The following OCIAD1 variants were observed in gnomAD, a reference collection of about 807,000 sequenced individuals.
OCIAD1 encodes the protein OCIA domain containing 1.
A neutral mutation model predicts 38.9 loss-of-function variants in OCIAD1; 29 were observed. That is an observed-to-expected ratio of 0.74 (90% CI 0.55 to 1.02). The LOEUF is 1.02. OCIAD1 is among the 50% of genes least tolerant of loss of function. The probability of loss-of-function intolerance (pLI) is 0.00; values close to 1 mark genes in which losing one functional copy is unlikely to be tolerated. For missense variants in OCIAD1, 288 were observed against 289.6 expected, an observed-to-expected ratio of 0.99 and a Z score of 0.04; for synonymous variants, 110 against 92.0, an observed-to-expected ratio of 1.20 and a Z score of -1.12.
intron 7 of OCIAD1, among the ~76,000 whole-genome samples, chr4:48,855,679 A>G (rs1779969327): frequency 6.6e-6 from 1 of 152,066 alleles, no homozygotes; most frequent in South Asian, 2.1e-4. Flanking sequence ...AGCTGGGCAT[A>G]GTGGCACATG....
intron 4 of OCIAD1, among the ~76,000 whole-genome samples, chr4:48,844,489 G>A (rs777218409): frequency 6.6e-6 from 1 of 151,996 alleles, no homozygotes; most frequent in African/African-American, 2.4e-5. Context: ...GGTCGTGCGT[G>A]CCTGTAGTCC....
At position 48,842,818 on chromosome 4, in the gene OCIAD1, T is replaced by C. The variant is rs80146608; in HGVS notation, c.193+129T>C. 4.8e-4 allele frequency: 270 copies of C among 564,376 alleles called. 3 individuals carry two copies. The East Asian group carries it at 6.4e-3, about 13-fold the overall frequency. 35.0% of individuals were successfully genotyped at this position (564,376 alleles called of 1,614,324 possible). ...TAAACACTATGTAGAAATTCATTGA[T>C]GAATTTAAACGTTTTATCTCTGTGG... is the stretch of plus-strand genomic sequence containing the variant. On this transcript the variant is annotated intron_variant, in intron 4 of 8. Coordinates refer to ENST00000264312, the MANE Select transcript of OCIAD1 (RefSeq NM_017830.4).
At position 48,860,908 on chromosome 4, in the gene OCIAD1, T is replaced by C; in HGVS notation, c.*146T>C. ...GGTTTTTGTGGTTTGACTTCTATGGTGTTTTAAAAAAACACAGATTTTTAG... is the reference window on the plus strand; with the variant it reads ...GGTTTTTGTGGTTTGACTTCTATGGCGTTTTAAAAAAACACAGATTTTTAG... On this transcript the variant is annotated 3_prime_UTR_variant, in exon 9 of 9. Transcript: ENST00000264312. 1 of 672,600 alleles carries C rather than the reference T, an allele frequency of 1.5e-6. No homozygotes were observed. Among genetic ancestry groups the C allele is most frequent in the Non-Finnish European group, 2.7e-6 (1 of 375,826 alleles). 41.7% of individuals were successfully genotyped at this position (672,600 alleles called of 1,614,324 possible).
chr4:48,811,888 G>A (rs537941521), intron 1 of OCIAD1, among the ~76,000 whole-genome samples: 45 of 152,040 alleles, frequency 3.0e-4, no homozygotes, highest in Non-Finnish European at 4.7e-4. Context: ...TGGTGTCAAA[G>A]ACCAGGAATT....
chr4:48,860,650 A>T (rs1175284901), intron 8 of OCIAD1, 75 bp from the exon 9 acceptor site: 1 of 1,097,158 alleles, frequency 9.1e-7, no homozygotes, highest in East Asian at 2.4e-5. Context: ...ACTTTTCATC[A>T]TAGCAACAAA....
intron 1 of OCIAD1, among the ~76,000 whole-genome samples, chr4:48,812,474 A>G (rs966014117): frequency 6.6e-6 from 1 of 151,930 alleles, no homozygotes; most frequent in Non-Finnish European, 1.5e-5. Flanking sequence ...AAGAACCAGC[A>G]AAGGAAACTG....
In OCIAD1 at chr4:48,831,149, G is replaced by C; in HGVS notation, c.-106G>C. On this transcript the variant is annotated 5_prime_UTR_variant, in exon 1 of 9. Coordinates refer to ENST00000264312, the MANE Select transcript of OCIAD1 (RefSeq NM_017830.4). The stretch of plus-strand genomic sequence containing the variant: ...CCCCTCCCCCTCCCCGCGGTACCTT[G>C]CACTTTTCTCCCTCCCTGCCCCCTC... 1 of 300,544 alleles carries C rather than the reference G, an allele frequency of 3.3e-6. No individual in the cohort carries two copies. The highest frequency in any genetic ancestry group is 6.7e-6 in the Non-Finnish European group (1 of 150,086). 18.6% of individuals were successfully genotyped at this position (300,544 alleles called of 1,614,324 possible). A position where few individuals can be genotyped will look rare whatever the true frequency, so the allele number is the denominator to read the frequency against.
At chr4:48,807,354 C>A (rs1777038692) in intron 1 of OCIAD1, among the ~76,000 whole-genome samples, 1 of 151,980 alleles carries the variant, frequency 6.6e-6, no homozygotes, top group Non-Finnish European at 1.5e-5. Flanking sequence ...AGGCACTAAT[C>A]TAGAGCATGG....
chr4:48,819,304 A>T (rs1159904013), intron 1 of OCIAD1, among the ~76,000 whole-genome samples: 3 of 152,306 alleles, frequency 2.0e-5, no homozygotes, highest in Middle Eastern at 6.8e-3. Context: ...ACTAAGCTTC[A>T]TAAGAAAAGG....
At chr4:48,837,136 T>C (rs763806757) in intron 3 of OCIAD1, 1 of 151,724 alleles carries the variant, frequency 6.6e-6, no homozygotes, top group Non-Finnish European at 1.5e-5. Flanking sequence ...CATACCTGGC[T>C]ATTTTTTTTT....
rs191799710 is a variant in OCIAD1, at chr4:48,853,986, A to G, written c.547+2011A>G. 7.6e-4 allele frequency among the ~76,000 whole-genome samples: 116 copies of G among 152,320 alleles called. 2 individuals are homozygous for G. Among genetic ancestry groups the G allele is most frequent in the Middle Eastern group, 3.4e-3 (1 of 294 alleles). The stretch of plus-strand genomic sequence containing the variant: ...TTAATGGTTGGAAGCAAAGGCATCA[A>G]ATTAGTCAGAAAAGGAAGGAAGGGA... On this transcript the variant is annotated intron_variant, in intron 7 of 8. Coordinates refer to ENST00000264312, the MANE Select transcript of OCIAD1 (RefSeq NM_017830.4).
intron 7 of OCIAD1, among the ~76,000 whole-genome samples, chr4:48,855,168 G>A (rs1344537972): frequency 3.3e-5 from 5 of 152,214 alleles, no homozygotes; most frequent in South Asian, 2.1e-4. Context: ...ACCATATTTC[G>A]CAATTGAGAA....
chr4:48,835,595 TTTG>T lies in OCIAD1; in HGVS notation c.139+2117_139+2119del, dbSNP rs1345124033. Reference sequence around the variant, plus strand: ...ACACCTGTAATCCCAGCACCTTGGTTTTGTTTTGTTTTTTATTTTTGTAGATAC... The same window carrying T: ...ACACCTGTAATCCCAGCACCTTGGTTTTTTGTTTTTTATTTTTGTAGATAC... On this transcript the variant is annotated intron_variant, in intron 3 of 8. Coordinates refer to ENST00000264312, the MANE Select transcript of OCIAD1 (RefSeq NM_017830.4). Among the ~76,000 whole-genome samples, 4 of 152,086 alleles carry T rather than the reference TTTG, an allele frequency of 2.6e-5. No homozygotes were observed. In the East Asian group the frequency reaches 7.7e-4, roughly 29 times the overall value.
chr4:48,831,027 A>C (rs1204591719), upstream of OCIAD1: 1 of 184,884 alleles, frequency 5.4e-6, no homozygotes. Flanking sequence ...TCAGACCCGC[A>C]GTGAGGTCTG....
At chr4:48,817,049 G>A (rs895137682) in intron 1 of OCIAD1, among the ~76,000 whole-genome samples, 6 of 152,170 alleles carry the variant, frequency 3.9e-5, no homozygotes, top group Non-Finnish European at 5.9e-5. Context: ...CAAGACCAAC[G>A]CAGAAGGTGG....
At chr4:48,820,757 A>C (rs746319044) in intron 1 of OCIAD1, among the ~76,000 whole-genome samples, 3 of 152,260 alleles carry the variant, frequency 2.0e-5, no homozygotes, top group Non-Finnish European at 4.4e-5. Context: ...ACCATCAGAG[A>C]ATACTATAAA....
chr4:48,835,663 G>T (rs1188131546), intron 3 of OCIAD1, among the ~76,000 whole-genome samples: 1 of 152,042 alleles, frequency 6.6e-6, no homozygotes, highest in Non-Finnish European at 1.5e-5. Context: ...TTGAACCCCT[G>T]AGTTCAAGCG....
intron 4 of OCIAD1, 76 bp from the exon 5 acceptor site, chr4:48,848,323 T>A: frequency 1.4e-6 from 1 of 729,092 alleles, no homozygotes; most frequent in Non-Finnish European, 2.4e-6. Context: ...GTTGTAAGAT[T>A]ATATTTAAAG....
intron 3 of OCIAD1, among the ~76,000 whole-genome samples, chr4:48,840,833 C>CAAAAAAAAA (rs1233881090): frequency 6.5e-5 from 3 of 46,356 alleles, no homozygotes; most frequent in African/African-American, 7.8e-5. Flanking sequence ...CTCATCTCTA[C>CAAAAAAAAA]AAAAAAAAAA....
Sources: gnomAD v4.1 joint callset for allele counts (sites outside exome capture counted in the v4.1 genomes callset) on GRCh38, gnomAD v4.1.1 for gene constraint, MANE v1.5 for transcripts, NCBI Gene and HGNC (gene_info 2026-07-23, HGNC 2026-07-21) for gene names.